PTPN4: variants seen among roughly 807,000 people sequenced by gnomAD.
PTPN4 encodes tyrosine-protein phosphatase non-receptor type 4.
A neutral mutation model predicts 135.5 loss-of-function variants in PTPN4; 49 were observed. That is an observed-to-expected ratio of 0.36 (90% CI 0.29 to 0.46). The LOEUF is 0.46. Ranked by LOEUF, PTPN4 falls within the 20% of genes least tolerant of loss-of-function variation. The pLI is 1.00. For synonymous variants in PTPN4, 333 were observed against 369.9 expected (o/e 0.90, Z 1.14); for missense variants, 860 against 1,101.0 (o/e 0.78, Z 3.10).
intron 12 of PTPN4, among the ~76,000 whole-genome samples, chr2:119,920,604 A>C (rs1337809830): frequency 3.9e-5 from 6 of 152,206 alleles, no homozygotes; most frequent in Admixed American, 3.9e-4. Context: ...TATGCCTAAA[A>C]CTATATAATT....
chr2:119,857,946 C>T (rs774922502), intron 2 of PTPN4, among the ~76,000 whole-genome samples: 2 of 152,172 alleles, frequency 1.3e-5, no homozygotes, highest in African/African-American at 4.8e-5. Flanking sequence ...GCAGATCCCT[C>T]ATAAATGGCT....
At chr2:119,880,283 C>T (rs1241262190) in intron 5 of PTPN4, among the ~76,000 whole-genome samples, 1 of 152,094 alleles carries the variant, frequency 6.6e-6, no homozygotes, top group Non-Finnish European at 1.5e-5. Context: ...TAAGTTCTTG[C>T]CTCTTGGTTA....
intron 3 of PTPN4, among the ~76,000 whole-genome samples, chr2:119,868,491 G>T (rs1412858092): frequency 6.6e-6 from 1 of 152,084 alleles, no homozygotes; most frequent in Admixed American, 6.5e-5. Flanking sequence ...CCATAAACTG[G>T]CTCCAAAACT....
At chr2:119,930,857 G>A (rs1678895247) in intron 13 of PTPN4, among the ~76,000 whole-genome samples, 1 of 150,022 alleles carries the variant, frequency 6.7e-6, no homozygotes, top group Non-Finnish European at 1.5e-5. Flanking sequence ...ATACAGAAGT[G>A]TATACATAGT....
chr2:119,859,969 C>A (rs949529), intron 2 of PTPN4, among the ~76,000 whole-genome samples: 44,467 of 152,024 alleles, frequency 0.29, 6,693 homozygotes, highest in African/African-American at 0.36. Context: ...GCTCTTTCAT[C>A]AGCACCTATT....
At chr2:119,944,772 G>A (rs1277615945) in intron 15 of PTPN4, among the ~76,000 whole-genome samples, 4 of 151,996 alleles carry the variant, frequency 2.6e-5, no homozygotes, top group Non-Finnish European at 5.9e-5. Context: ...CTGGCTACCC[G>A]TGACTCCTCT....
At chr2:119,951,410 A>G (rs149004246) in intron 18 of PTPN4, among the ~76,000 whole-genome samples, 130 of 152,256 alleles carry the variant, frequency 8.5e-4, no homozygotes, top group Middle Eastern at 3.4e-3. Context: ...TCATTTTAAT[A>G]TGGGTTTATC....
intron 5 of PTPN4, among the ~76,000 whole-genome samples, chr2:119,881,533 G>A: frequency 6.6e-6 from 1 of 152,090 alleles, no homozygotes. Context: ...TTGAAATCTT[G>A]AGGGCTTCTA....
At chr2:119,848,313 A>G (rs1383788338) in intron 2 of PTPN4, among the ~76,000 whole-genome samples, 1 of 151,474 alleles carries the variant, frequency 6.6e-6, no homozygotes, top group Non-Finnish European at 1.5e-5. Flanking sequence ...AACTGGGACT[A>G]CAGGCGCCCA....
chr2:119,779,945 C>A (rs1309114381), intron 1 of PTPN4, among the ~76,000 whole-genome samples: 1 of 152,058 alleles, frequency 6.6e-6, no homozygotes, highest in Non-Finnish European at 1.5e-5. Context: ...AGGACTTCGC[C>A]ATGTTGCCTA....
At chr2:119,976,251 C>T (rs986919845) in intron 26 of PTPN4, among the ~76,000 whole-genome samples, 1 of 152,082 alleles carries the variant, frequency 6.6e-6, no homozygotes, top group Non-Finnish European at 1.5e-5. Flanking sequence ...CCCACCTTGG[C>T]CTCCCAAAGT....
intron 1 of PTPN4, among the ~76,000 whole-genome samples, chr2:119,790,545 T>TTA (rs1284250948): frequency 6.6e-6 from 1 of 151,928 alleles, no homozygotes; most frequent in Non-Finnish European, 1.5e-5. Flanking sequence ...GGGTATATAT[T>TTA]TATATATATT....
chr2:119,849,009 T>C (rs1223510070), intron 2 of PTPN4, among the ~76,000 whole-genome samples: 1 of 152,228 alleles, frequency 6.6e-6, no homozygotes, highest in Admixed American at 6.5e-5. Context: ...CCCTTAAATA[T>C]ATTTTTCATG....
intron 14 of PTPN4, among the ~76,000 whole-genome samples, chr2:119,934,512 G>A (rs1415317899): frequency 6.6e-6 from 1 of 152,120 alleles, no homozygotes; most frequent in East Asian, 1.9e-4. Flanking sequence ...TAAATGCTGA[G>A]TAAGACAAAA....
rs1433945763 is a variant in PTPN4, at chr2:119,768,465, A to G, written c.-18+8081A>G. Reference sequence around the variant, plus strand: ...AGGGGGATAGAGCTAGGAAATACATATATGTATACACACATCTGAATCTGT... The same window carrying G: ...AGGGGGATAGAGCTAGGAAATACATGTATGTATACACACATCTGAATCTGT... On this transcript the variant is annotated intron_variant, in intron 1 of 26. Coordinates refer to ENST00000263708, the MANE Select transcript of PTPN4 (RefSeq NM_002830.4). Among the ~76,000 whole-genome samples the G allele has an allele frequency of 3.3e-5, 5 of 152,212 alleles. No individual in the cohort carries two copies. The East Asian group carries it at 9.6e-4, about 29-fold the overall frequency.
intron 3 of PTPN4, among the ~76,000 whole-genome samples, chr2:119,872,614 T>C (rs373290213): frequency 1.4e-3 from 206 of 152,276 alleles, no homozygotes; most frequent in African/African-American, 4.3e-3. Context: ...CTCAAGCCTT[T>C]CCTGACTACC....
At chr2:119,810,911 A>G (rs997502115) in intron 2 of PTPN4, among the ~76,000 whole-genome samples, 1 of 152,128 alleles carries the variant, frequency 6.6e-6, no homozygotes, top group Non-Finnish European at 1.5e-5. Flanking sequence ...ATTTAACTTT[A>G]TGAAAATAAT....
intron 1 of PTPN4, among the ~76,000 whole-genome samples, chr2:119,776,573 C>T (rs971746651): frequency 6.6e-6 from 1 of 152,076 alleles, no homozygotes; most frequent in African/African-American, 2.4e-5. Context: ...CTCCTGCTTC[C>T]CCTTCCACTT....
At position 119,979,618 on chromosome 2, in the gene PTPN4, T is replaced by A. The variant is rs1034932491; in HGVS notation, c.*2548T>A. 1.3e-5 allele frequency: 2 copies of A among 152,154 alleles called. No individual in the cohort carries two copies. Among genetic ancestry groups the A allele is most frequent in the African/African-American group, 4.8e-5 (2 of 41,470 alleles). 9.4% of individuals were successfully genotyped at this position (152,154 alleles called of 1,614,324 possible). On this transcript the variant is annotated 3_prime_UTR_variant, in exon 27 of 27. Transcript: ENST00000263708. ...CATTACATCTAAGAACTTTTTAACC[T>A]GTATATCAATCTAAATAGGTTTCTA...
Sources: allele counts gnomAD v4.1 joint callset (sites outside exome capture counted in the v4.1 genomes callset), GRCh38; gene constraint gnomAD v4.1.1; transcripts MANE v1.5; gene names NCBI Gene and HGNC (gene_info 2026-07-23, HGNC 2026-07-21).